Variants in GAS6 observed in about 807,000 individuals in gnomAD.
The protein encoded by GAS6 is growth arrest specific 6, also known as growth arrest-specific protein 6.
GAS6 carries 41 observed loss-of-function variants against 75.8 expected under a neutral mutation model. That is an observed-to-expected ratio of 0.54 (90% confidence interval 0.42 to 0.70). GAS6 has a LOEUF of 0.70. Ranked by LOEUF, GAS6 falls within the 30% of genes least tolerant of loss-of-function variation. GAS6 has a pLI of 0.00. For missense variants in GAS6, 854 were observed against 940.2 expected (o/e 0.91, Z 1.20); for synonymous variants, 432 against 412.6 (o/e 1.05, Z -0.57).
At chr13:113,834,951 G>A (rs563129324) in intron 7 of GAS6, among the ~76,000 whole-genome samples, 66 of 152,362 alleles carry the variant, frequency 4.3e-4, no homozygotes, top group East Asian at 2.9e-3. Flanking sequence ...CTGCCGGGCC[G>A]GTGTGGAAGG....
At chr13:113,862,741 C>T (rs6602904) in intron 2 of GAS6, among the ~76,000 whole-genome samples, 29,870 of 152,108 alleles carry the variant, frequency 0.2, 3,115 homozygotes, top group South Asian at 0.38. Flanking sequence ...CTCTTTCATC[C>T]CGGGTGACAT....
chr13:113,861,779 G>A (rs1208832543), intron 2 of GAS6, among the ~76,000 whole-genome samples: 3 of 152,152 alleles, frequency 2.0e-5, no homozygotes, highest in African/African-American at 7.2e-5. Flanking sequence ...GAAACAGACA[G>A]CAAGCTAATG....
intron 12 of GAS6, among the ~76,000 whole-genome samples, chr13:113,823,931 G>A (rs902096781): frequency 6.6e-6 from 1 of 152,242 alleles, no homozygotes; most frequent in African/African-American, 2.4e-5. Context: ...AGCGTGCGTG[G>A]CCTCGTGCCT....
chr13:113,840,870 TGAGA>T (rs1039984679), intron 4 of GAS6: 21 of 152,288 alleles, frequency 1.4e-4, no homozygotes, highest in African/African-American at 4.8e-4. Context: ...CCCTGCTGGC[TGAGA>T]GAGGGCTCCG....
Position 113,859,501 on chromosome 13 carries a change from AGTAT to A in GAS6, c.255+4070_255+4073del, listed in dbSNP as rs112563680. On this transcript the variant is annotated intron_variant, in intron 2 of 14. Transcript: ENST00000327773. ...GTGCATGTATGTGTACATGTCTGTT[AGTAT>A]GTGTGTGTGCCTGTTTATGTGTGTG... Among the ~76,000 whole-genome samples, 25 of 145,224 alleles carry A rather than the reference AGTAT, an allele frequency of 1.7e-4. 1 individual carries two copies. Among genetic ancestry groups the A allele is most frequent in the African/African-American group, 6.2e-4 (24 of 38,488 alleles).
At position 113,863,842 on chromosome 13, in the gene GAS6, A is replaced by C; in HGVS notation, c.79T>G (p.Cys27Gly). Reference sequence around the variant, plus strand: ...GGCCCGCGGGACTCACCAAGCGCGCACTCCGCGGCCAGCAGCAGCAGCAGC... The same window carrying C: ...GGCCCGCGGGACTCACCAAGCGCGCCCTCCGCGGCCAGCAGCAGCAGCAGC... ...QLLLLLLAAE[C>G]ALAALLPARE... Residue 27 changes from cysteine to glycine, a missense_variant, in exon 1 of 15, where the codon TGC becomes GGC. Cys to Gly is a radical substitution (Grantham distance 159). Transcript: ENST00000327773. The surrounding 1 kb of genome is among the most constrained non-coding windows in gnomAD (Gnocchi z 9.4). 3 of 1,289,858 alleles carry C rather than the reference A, an allele frequency of 2.3e-6. No individual in the cohort carries two copies. The highest frequency in any genetic ancestry group is 2.9e-6 in the Non-Finnish European group (3 of 1,024,352). The allele number at this position is 1,289,858 out of a possible 1,614,324, so 79.9% of individuals were successfully genotyped here. A position where few individuals can be genotyped will look rare whatever the true frequency, so the allele number is the denominator to read the frequency against.
Position 113,848,181 on chromosome 13 carries a change from T to C in GAS6, c.256-131A>G, listed in dbSNP as rs1326729197. 1.0e-5 allele frequency: 9 copies of C among 888,706 alleles called. No homozygotes were observed. Among genetic ancestry groups the C allele is most frequent in the Non-Finnish European group, 1.4e-5 (8 of 558,578 alleles). 55.1% of individuals were successfully genotyped at this position (888,706 alleles called of 1,614,324 possible). A position where few individuals can be genotyped will look rare whatever the true frequency, so the allele number is the denominator to read the frequency against. On this transcript the variant is annotated intron_variant, in intron 2 of 14. Coordinates refer to ENST00000327773, the MANE Select transcript of GAS6 (RefSeq NM_000820.4). The surrounding 1 kb of genome is among the most constrained non-coding windows in gnomAD (Gnocchi z 4.8). ...CAGAGGGCCGCCCCACCCGGGGAAC[T>C]GAGGGGAAGTGACCGGGGCACGACT...
intron 2 of GAS6, among the ~76,000 whole-genome samples, chr13:113,856,342 A>G (rs1321677736): frequency 1.1e-4 from 17 of 152,136 alleles, no homozygotes. Context: ...TTAATGACAG[A>G]GTGTGGGGCT....
rs2051487534 is a variant in GAS6, at chr13:113,823,440, G to A, written c.1588C>T (p.Leu530Phe). 6.2e-7 allele frequency: 1 copy of A among 1,612,820 alleles called. No individual in the cohort carries two copies. The highest frequency in any genetic ancestry group is 8.5e-7 in the Non-Finnish European group (1 of 1,179,958). ...GCCACAGAGAGAGGCACGGCACGGA[G>A]GTCGGGGGCCCAGAGCGCAAACAGC... ...GVLFALWAPD[L>F]RAVPLSVALV... Residue 530 changes from leucine to phenylalanine, a missense_variant, in exon 13 of 15, where the codon CTC becomes TTC. Coordinates refer to ENST00000327773, the MANE Select transcript of GAS6 (RefSeq NM_000820.4).
At chr13:113,826,879 A>T (rs1217126040) in intron 12 of GAS6, 117 bp downstream of exon 12, 1 of 147,126 alleles carries the variant, frequency 6.8e-6, no homozygotes, top group East Asian at 2.8e-4. Context: ...CTGCCCCGGA[A>T]CCGGAGGAGC....
intron 3 of GAS6, chr13:113,846,960 C>T (rs761369930): frequency 1.0e-5 from 5 of 487,570 alleles, no homozygotes; most frequent in East Asian, 5.8e-5. Flanking sequence ...AAACGCTGTG[C>T]TTAACTGGAA....
chr13:113,842,832 G>A (rs563071708), intron 4 of GAS6: 3 of 396,960 alleles, frequency 7.6e-6, no homozygotes, highest in African/African-American at 6.4e-5. Flanking sequence ...GCAAAGGGCT[G>A]GGAACCCGGT....
intron 4 of GAS6, chr13:113,842,642 G>A (rs1328731295): frequency 7.6e-6 from 3 of 397,146 alleles, no homozygotes; most frequent in Non-Finnish European, 1.3e-5. Flanking sequence ...CTGGGGGCAG[G>A]AGGGAGTCAG....
rs151303508 is a variant in GAS6, at chr13:113,855,554, G to C, written c.256-7504C>G. 3.2e-4 allele frequency among the ~76,000 whole-genome samples: 48 copies of C among 152,316 alleles called. No homozygotes were observed. In the East Asian group the frequency reaches 6.2e-3, roughly 20 times the overall value. On this transcript the variant is annotated intron_variant, in intron 2 of 14. Coordinates refer to ENST00000327773, the MANE Select transcript of GAS6 (RefSeq NM_000820.4). Reference sequence around the variant, plus strand: ...ACAGCTCAGTTCCCTTGAAAGGATGGCTGCACCATCGAGCATGACTCAACC... The same window carrying C: ...ACAGCTCAGTTCCCTTGAAAGGATGCCTGCACCATCGAGCATGACTCAACC...
chr13:113,843,176 C>CCCCCGCCCACCTCCCTGAT (rs2051804184), intron 4 of GAS6: 3 of 255,560 alleles, frequency 1.2e-5, no homozygotes, highest in Non-Finnish European at 2.2e-5. Context: ...ACCTCCCTGA[C>CCCCCGCCCACCTCCCTGAT]CCCCGCCCAC....
At chr13:113,854,536 A>G (rs1229728762) in intron 2 of GAS6, among the ~76,000 whole-genome samples, 1 of 152,238 alleles carries the variant, frequency 6.6e-6, no homozygotes, top group Non-Finnish European at 1.5e-5. Context: ...CATGCTCCCG[A>G]CAGCCCCCAG....
At chr13:113,857,528 A>G (rs1386383132) in intron 2 of GAS6, among the ~76,000 whole-genome samples, 1 of 152,200 alleles carries the variant, frequency 6.6e-6, no homozygotes, top group East Asian at 1.9e-4. Flanking sequence ...TTGGAGAAAC[A>G]GCTCTCAGTT....
intron 8 of GAS6, chr13:113,833,011 G>C: frequency 7.2e-7 from 1 of 1,388,744 alleles, no homozygotes; most frequent in Non-Finnish European, 9.3e-7. Context: ...CATTTCCCTT[G>C]ACCCTTTATT....
At chr13:113,833,667 G>A (rs376720189) in intron 8 of GAS6, 77 of 1,000,080 alleles carry the variant, frequency 7.7e-5, no homozygotes, top group South Asian at 2.4e-4. Context: ...GTGACAGGTC[G>A]GTGTGACAGA....
Sources: allele counts gnomAD v4.1 joint callset (sites outside exome capture counted in the v4.1 genomes callset), GRCh38; gene constraint gnomAD v4.1.1; non-coding constraint Gnocchi (gnomAD v3.1); transcripts MANE v1.5; gene names NCBI Gene and HGNC (gene_info 2026-07-23, HGNC 2026-07-21).